ZMIZ1: variants seen among roughly 807,000 people sequenced by gnomAD.
ZMIZ1 encodes the protein zinc finger MIZ domain-containing protein 1.
ZMIZ1 carries 17 observed loss-of-function variants against 113.9 expected under a neutral mutation model. The ratio of observed to expected loss-of-function variants is 0.15; its 90% CI spans 0.10 to 0.22. The LOEUF is 0.22. ZMIZ1 is among the 10% of genes least tolerant of loss of function. ZMIZ1 has a pLI of 1.00. For synonymous variants in ZMIZ1, 607 were observed against 603.1 expected, an observed-to-expected ratio of 1.01 and a Z score of -0.09; for missense variants, 1,059 against 1,477.8, an observed-to-expected ratio of 0.72 and a Z score of 4.65.
At chr10:79,310,788 G>A (rs1015642809) in intron 23 of ZMIZ1, 136 bp from the exon 24 acceptor site, 12 of 1,008,202 alleles carry the variant, frequency 1.2e-5, no homozygotes, top group East Asian at 7.9e-5. Context: ...CAGAAACAAC[G>A]TTCAGCCTCG....
Position 79,277,315 on chromosome 10 carries a change from C to G in ZMIZ1, c.415C>G (p.Leu139Val), listed in dbSNP as rs1852361026. ...CTCCATGAGCTCCATGAAACCCACT[C>G]TGTCGCACAGGTAAGTGGGTGGGTG... ...LSSMSSMKPT[L>V]SHSDGSFPYD... Residue 139 changes from leucine (L) to valine (V), a missense_variant, in exon 8 of 25, where the codon CTG (leucine) becomes GTG (valine). By Grantham distance (32) the Leu-to-Val change is conservative. Around this residue, in one of 6 missense-constraint regions of ZMIZ1, gnomAD observed 272 missense variants for 350.4 expected, o/e 0.78. Transcript: ENST00000334512. The G allele has an allele frequency of 2.5e-6, 4 of 1,596,594 alleles. No individual in the cohort carries two copies. The South Asian group carries it at 3.4e-5, about 14-fold the overall frequency.
Position 79,296,108 on chromosome 10 carries a change from T to G in ZMIZ1, c.1231-363T>G, listed in dbSNP as rs1452322439. On this transcript the variant is annotated intron_variant, in intron 12 of 24. Transcript: ENST00000334512. The surrounding 1 kb of genome is among the most constrained non-coding windows in gnomAD (Gnocchi z 4.1). ...ACTGTGTTCCTCTGTCACATTGGGGTACACATTGGGGAGCACAGCCCTAAC... is the reference window on the plus strand; with the variant it reads ...ACTGTGTTCCTCTGTCACATTGGGGGACACATTGGGGAGCACAGCCCTAAC... 3.7e-6 allele frequency: 1 copy of G among 273,120 alleles called. No individual in the cohort carries two copies. Among genetic ancestry groups the G allele is most frequent in the South Asian group, 4.5e-5 (1 of 22,352 alleles). The allele number at this position is 273,120 out of a possible 1,614,324, so 16.9% of individuals were successfully genotyped here. A position where few individuals can be genotyped will look rare whatever the true frequency, so the allele number is the denominator to read the frequency against.
Position 79,113,370 on chromosome 10 carries a change from A to G in ZMIZ1, c.-336-5545A>G, listed in dbSNP as rs531347571. 3.3e-5 allele frequency among the ~76,000 whole-genome samples: 5 copies of G among 152,342 alleles called. No homozygotes were observed. The South Asian group carries it at 1.0e-3, about 32-fold the overall frequency. On this transcript the variant is annotated intron_variant, in intron 1 of 24. Transcript: ENST00000334512. ...TTAGGTGTCCTGAGTCAGAGCCAGGAAATGGATCTGCCATGCGGGGGTGGA... is the reference window on the plus strand; with the variant it reads ...TTAGGTGTCCTGAGTCAGAGCCAGGGAATGGATCTGCCATGCGGGGGTGGA...
chr10:79,239,063 C>G (rs142845005), intron 7 of ZMIZ1, among the ~76,000 whole-genome samples: 8 of 152,240 alleles, frequency 5.3e-5, no homozygotes, highest in Non-Finnish European at 1.2e-4. Context: ...AAGTGAAGAC[C>G]TGAGGAGGTT....
intron 1 of ZMIZ1, among the ~76,000 whole-genome samples, chr10:79,089,782 AC>A (rs924428713): frequency 1.0e-4 from 15 of 149,690 alleles, no homozygotes; most frequent in Non-Finnish European, 1.9e-4. Flanking sequence ...CACTCCCCAG[AC>A]CCCCACCCCC....
At chr10:79,255,442 T>C (rs886875822) in intron 7 of ZMIZ1, among the ~76,000 whole-genome samples, 1 of 152,212 alleles carries the variant, frequency 6.6e-6, no homozygotes, top group African/African-American at 2.4e-5. Flanking sequence ...TCCCCTAGCA[T>C]ATCTGTGGCT....
intron 7 of ZMIZ1, among the ~76,000 whole-genome samples, chr10:79,275,615 G>A (rs188490218): frequency 6.6e-6 from 1 of 152,246 alleles, no homozygotes; most frequent in Non-Finnish European, 1.5e-5. Context: ...ACGTGGTGGC[G>A]TACAAGAGGC....
intron 1 of ZMIZ1, among the ~76,000 whole-genome samples, chr10:79,109,202 T>C (rs1221709765): frequency 6.6e-6 from 1 of 152,180 alleles, no homozygotes; most frequent in African/African-American, 2.4e-5. Flanking sequence ...GTCCTGTGTG[T>C]GTCCCAGTGT....
At chr10:79,138,262 A>G (rs1845102675) in intron 2 of ZMIZ1, among the ~76,000 whole-genome samples, 1 of 152,220 alleles carries the variant, frequency 6.6e-6, no homozygotes, top group Non-Finnish European at 1.5e-5. Context: ...TCAGAGCGCC[A>G]AGAGCATAGG....
At chr10:79,197,637 C>CACACACACACACACACACCCCT (rs1564713276) in intron 4 of ZMIZ1, among the ~76,000 whole-genome samples, 1 of 149,272 alleles carries the variant, frequency 6.7e-6, no homozygotes, top group Non-Finnish European at 1.5e-5. Context: ...CACACACACA[C>CACACACACACACACACACCCCT]ACACACCTGT....
intron 8 of ZMIZ1, among the ~76,000 whole-genome samples, chr10:79,286,106 C>T (rs764619777): frequency 3.5e-4 from 54 of 152,276 alleles, no homozygotes; most frequent in Middle Eastern, 3.4e-3. Flanking sequence ...TAGGGTTGTA[C>T]AGAGTGGGAC....
At chr10:79,159,708 A>G (rs2132485317) in intron 3 of ZMIZ1, among the ~76,000 whole-genome samples, 1 of 151,976 alleles carries the variant, frequency 6.6e-6, no homozygotes, top group East Asian at 1.9e-4. Flanking sequence ...GTGCCCTCCT[A>G]CTCCTTCTCT....
intron 2 of ZMIZ1, among the ~76,000 whole-genome samples, chr10:79,131,232 T>A (rs1157011995): frequency 1.3e-5 from 2 of 152,138 alleles, no homozygotes; most frequent in Non-Finnish European, 2.9e-5. Flanking sequence ...CAGCCAGGCC[T>A]CTGGGCCCAT....
intron 7 of ZMIZ1, among the ~76,000 whole-genome samples, chr10:79,234,358 T>G (rs981057963): frequency 2.7e-4 from 41 of 152,262 alleles, no homozygotes; most frequent in African/African-American, 9.4e-4. Flanking sequence ...ATGGCTGTTT[T>G]ATGCTTGACT....
chr10:79,132,365 T>G (rs1844809714), intron 2 of ZMIZ1, among the ~76,000 whole-genome samples: 1 of 152,094 alleles, frequency 6.6e-6, no homozygotes, highest in African/African-American at 2.4e-5. Flanking sequence ...CGGCCGGGCT[T>G]TCTGTCTGTC....
chr10:79,072,933 A>T (rs183213832), intron 1 of ZMIZ1, among the ~76,000 whole-genome samples: 28 of 152,324 alleles, frequency 1.8e-4, no homozygotes, highest in African/African-American at 2.9e-4. Flanking sequence ...AGAGTCCCTC[A>T]GGATGGGGAG....
chr10:79,118,499 C>T lies in ZMIZ1; in HGVS notation c.-336-416C>T, dbSNP rs1269391216. 1.3e-5 allele frequency among the ~76,000 whole-genome samples: 2 copies of T among 152,112 alleles called. No individual in the cohort carries two copies. Among genetic ancestry groups the T allele is most frequent in the East Asian group, 1.9e-4 (1 of 5,176 alleles). On this transcript the variant is annotated intron_variant, in intron 1 of 24. Transcript: ENST00000334512. The surrounding 1 kb of genome is among the most constrained non-coding windows in gnomAD (Gnocchi z 4.1). ...GAGGGGCTGGTGAGAGAGGGCTCCACGGAAGCACTTGAGCAGAGTCTCAAA... is the reference window on the plus strand; with the variant it reads ...GAGGGGCTGGTGAGAGAGGGCTCCATGGAAGCACTTGAGCAGAGTCTCAAA...
intron 7 of ZMIZ1, among the ~76,000 whole-genome samples, chr10:79,252,194 G>A (rs1231754337): frequency 6.6e-6 from 1 of 152,150 alleles, no homozygotes; most frequent in Non-Finnish European, 1.5e-5. Flanking sequence ...GCAGGCTCCT[G>A]TACCCACCCA....
rs1195233831 is a variant in ZMIZ1 at position 79,293,514 on chromosome 10, C to T, written c.1091C>T (p.Pro364Leu). 6.2e-7 allele frequency: 1 copy of T among 1,604,122 alleles called. No homozygotes were observed. Among genetic ancestry groups the T allele is most frequent in the East Asian group, 2.2e-5 (1 of 44,648 alleles). ...GMTPSGMSGPPMGMNQPRPPG... is the reference protein window; with the variant it reads ...GMTPSGMSGPLMGMNQPRPPG... Reference sequence around the variant, plus strand: ...ACGCCCTCGGGGATGAGCGGCCCTCCCATGGGCATGAACCAGCCCCGGCCG... The same window carrying T: ...ACGCCCTCGGGGATGAGCGGCCCTCTCATGGGCATGAACCAGCCCCGGCCG... Residue 364 changes from proline (P) to leucine (L), a missense_variant, in exon 12 of 25, where the codon CCC becomes CTC. Physicochemically the swap from Pro to Leu is moderately conservative, Grantham distance 98 (BLOSUM62 -3). Transcript: ENST00000334512.
Sources: allele counts gnomAD v4.1 joint callset (sites outside exome capture counted in the v4.1 genomes callset), GRCh38; gene constraint gnomAD v4.1.1; regional missense constraint gnomAD v4.1.1; non-coding constraint Gnocchi (gnomAD v3.1); transcripts MANE v1.5; gene names NCBI Gene and HGNC (gene_info 2026-07-23, HGNC 2026-07-21).